The following CHD9NB variants were observed in gnomAD, a reference collection of about 807,000 sequenced individuals.
CHD9NB encodes the protein CHD9 neighbor protein.
the CHD9NB span, among the ~76,000 whole-genome samples, chr16:53,041,707 C>G: frequency 6.6e-6 from 1 of 151,988 alleles, no homozygotes; most frequent in African/African-American, 2.4e-5. Context: ...GCAAGCAGCT[C>G]TCACCATGCA....
the CHD9NB span, chr16:53,043,322 AAGGAATC>A: frequency 6.6e-6 from 1 of 152,178 alleles, no homozygotes. Context: ...CTTGGGGATT[AAGGAATC>A]AGGAACACAA....
the CHD9NB span, chr16:53,043,792 G>A: frequency 5.2e-6 from 2 of 382,338 alleles, no homozygotes; most frequent in African/African-American, 4.1e-5. Context: ...GGGAGAGCTG[G>A]GGAAATAGGA....
the CHD9NB span, chr16:53,043,134 G>T: frequency 2.6e-5 from 4 of 152,186 alleles, no homozygotes; most frequent in Admixed American, 6.5e-5. Context: ...AAATGAAAAC[G>T]CTTTTGAGTG....
At chr16:53,051,768 A>AATAT in the CHD9NB span, among the ~76,000 whole-genome samples, 2,320 of 103,254 alleles carry the variant, frequency 0.022, 60 homozygotes, top group African/African-American at 0.03. Flanking sequence ...TAAAAGTATA[A>AATAT]ATATATATAT....
At chr16:53,048,692 G>A in the CHD9NB span, among the ~76,000 whole-genome samples, 5 of 152,158 alleles carry the variant, frequency 3.3e-5, no homozygotes, top group Admixed American at 6.5e-5. Flanking sequence ...AACTTTAATC[G>A]CAATTAAGGA....
the CHD9NB span, chr16:53,042,690 G>C: frequency 1.3e-5 from 2 of 152,076 alleles, no homozygotes; most frequent in Admixed American, 6.6e-5. Context: ...CTTCTCAATA[G>C]GCAGGTAGGT....
the CHD9NB span, chr16:53,043,561 A>C: frequency 6.6e-6 from 1 of 152,364 alleles, no homozygotes; most frequent in Non-Finnish European, 1.5e-5. Context: ...CTGTTGAAAA[A>C]AGGAGAAAGA....
chr16:53,050,947 G>C, the CHD9NB span, among the ~76,000 whole-genome samples: 2 of 150,962 alleles, frequency 1.3e-5, no homozygotes, highest in East Asian at 3.9e-4. Context: ...GAGTGCAGTC[G>C]TGCGATCTTG....
the CHD9NB span, among the ~76,000 whole-genome samples, chr16:53,048,559 G>A: frequency 6.6e-6 from 1 of 152,306 alleles, no homozygotes; most frequent in Admixed American, 6.5e-5. Context: ...TCTCTCTCCT[G>A]CTTCTCACTC....
At chr16:53,040,317 A>G in the CHD9NB span, among the ~76,000 whole-genome samples, 1 of 151,640 alleles carries the variant, frequency 6.6e-6, no homozygotes, top group Non-Finnish European at 1.5e-5. Flanking sequence ...CTCATGATCC[A>G]CCCACCGTGG....
chr16:53,050,851 A>C, the CHD9NB span, among the ~76,000 whole-genome samples: 1 of 150,440 alleles, frequency 6.6e-6, no homozygotes, highest in Non-Finnish European at 1.5e-5. Flanking sequence ...CAGTGCCACC[A>C]TTTCTAGCTC....
chr16:53,044,053 C>A, the CHD9NB span: 1 of 398,826 alleles, frequency 2.5e-6, no homozygotes, highest in Non-Finnish European at 4.4e-6. Context: ...TTGCAGTCTG[C>A]TGCCTGGGTG....
the CHD9NB span, chr16:53,044,307 GC>G: frequency 5.0e-6 from 2 of 396,564 alleles, no homozygotes; most frequent in South Asian, 1.4e-4. Context: ...ACAAGGAGAC[GC>G]CCCGCTGTGC....
chr16:53,036,706 C>T, the CHD9NB span, among the ~76,000 whole-genome samples: 2,927 of 152,338 alleles, frequency 0.019, 100 homozygotes, highest in African/African-American at 0.066. Context: ...ATTAACCACA[C>T]AGTGCCGTAG....
At chr16:53,041,794 A>AT in the CHD9NB span, among the ~76,000 whole-genome samples, 1 of 151,500 alleles carries the variant, frequency 6.6e-6, no homozygotes, top group African/African-American at 2.4e-5. Flanking sequence ...AAAAAAAAAA[A>AT]TTGAAAGGAG....
the CHD9NB span, among the ~76,000 whole-genome samples, chr16:53,050,366 G>C: frequency 6.6e-6 from 1 of 152,012 alleles, no homozygotes; most frequent in Non-Finnish European, 1.5e-5. Flanking sequence ...AAATTAGCCA[G>C]ACATGATGGC....
At chr16:53,047,342 CTG>C in the CHD9NB span, 1 of 152,160 alleles carries the variant, frequency 6.6e-6, no homozygotes, top group African/African-American at 2.4e-5. Context: ...GGGCATTTAC[CTG>C]TATTAGTGAG....
chr16:53,043,754 G>A, the CHD9NB span: 22 of 332,904 alleles, frequency 6.6e-5, no homozygotes, highest in Non-Finnish European at 9.2e-5. Context: ...GTTCCACAAC[G>A]TGTGAAGACT....
the CHD9NB span, among the ~76,000 whole-genome samples, chr16:53,040,183 C>T: frequency 6.6e-6 from 1 of 152,110 alleles, no homozygotes; most frequent in South Asian, 2.1e-4. Context: ...GATTCTCGTG[C>T]GTCAGCCTCC....
Sources: allele counts gnomAD v4.1 joint callset (sites outside exome capture counted in the v4.1 genomes callset), GRCh38; gene constraint gnomAD v4.1.1; transcripts MANE v1.5; gene names NCBI Gene and HGNC (gene_info 2026-07-23, HGNC 2026-07-21).